CDK6: variants seen among roughly 807,000 people sequenced by gnomAD.
The protein encoded by CDK6 is cyclin dependent kinase 6, also known as cyclin-dependent kinase 6.
Under a neutral mutation model 37.1 loss-of-function variants are expected in CDK6, and 6 were observed. That is an observed-to-expected ratio of 0.16 (90% CI 0.09 to 0.32). The LOEUF is 0.32. CDK6 is among the 10% of genes least tolerant of loss of function. The pLI is 1.00. For missense variants in CDK6, 224 were observed against 418.9 expected (o/e 0.53, Z 4.06); for synonymous variants, 160 against 161.3 (o/e 0.99, Z 0.06).
intron 2 of CDK6, among the ~76,000 whole-genome samples, chr7:92,781,836 C>G (rs1800000604): frequency 6.6e-6 from 1 of 152,174 alleles, no homozygotes; most frequent in African/African-American, 2.4e-5. Context: ...CTAATCTCCT[C>G]CTCTTAAGTG....
chr7:92,707,880 A>G (rs1448025003), intron 4 of CDK6, among the ~76,000 whole-genome samples: 2 of 152,222 alleles, frequency 1.3e-5, no homozygotes, highest in Non-Finnish European at 2.9e-5. Context: ...CAAGTGTATG[A>G]TATTATGGGC....
intron 2 of CDK6, among the ~76,000 whole-genome samples, chr7:92,787,522 T>C (rs1800175662): frequency 1.3e-5 from 2 of 152,122 alleles, no homozygotes; most frequent in East Asian, 3.9e-4. Context: ...CCACTTAGAA[T>C]ATAAATTTTT....
In CDK6 at chr7:92,615,084, C is replaced by G. The variant is rs895731319; in HGVS notation, c.*56G>C. On this transcript the variant is annotated 3_prime_UTR_variant, in exon 8 of 8. Coordinates refer to ENST00000424848, the MANE Select transcript of CDK6 (RefSeq NM_001145306.2). Reference sequence around the variant, plus strand: ...CTCTGTAGGGCTTGCTGAGGGGGACCCATAAGCCACCAAGGGTGTTCTCCG... The same window carrying G: ...CTCTGTAGGGCTTGCTGAGGGGGACGCATAAGCCACCAAGGGTGTTCTCCG... 1 of 1,594,722 alleles carries G rather than the reference C, an allele frequency of 6.3e-7. No homozygotes were observed. Among genetic ancestry groups the G allele is most frequent in the African/African-American group, 1.3e-5 (1 of 74,478 alleles).
rs951828719 is a variant in CDK6 at position 92,613,057 on chromosome 7, G to A, written c.*2083C>T. On this transcript the variant is annotated 3_prime_UTR_variant, in exon 8 of 8. Transcript: ENST00000424848. Reference sequence around the variant, plus strand: ...AACACCTAATCAATGTTGTCACAACGAAAGTAGAAAACATTTGTATGGCCC... The same window carrying A: ...AACACCTAATCAATGTTGTCACAACAAAAGTAGAAAACATTTGTATGGCCC... 10 of 232,928 alleles carry A rather than the reference G, an allele frequency of 4.3e-5. No homozygotes were observed. Among genetic ancestry groups the A allele is most frequent in the Admixed American group, 5.6e-5 (1 of 17,776 alleles). 14.4% of individuals were successfully genotyped at this position (232,928 alleles called of 1,614,324 possible). A position where few individuals can be genotyped will look rare whatever the true frequency, so the allele number is the denominator to read the frequency against.
chr7:92,682,554 C>T lies in CDK6; in HGVS notation c.538-11019G>A, dbSNP rs114367547. Among the ~76,000 whole-genome samples the T allele has an allele frequency of 5.3e-3, 810 of 152,262 alleles. 6 individuals carry two copies. Among genetic ancestry groups the T allele is most frequent in the African/African-American group, 0.019 (774 of 41,542 alleles). On this transcript the variant is annotated intron_variant, in intron 4 of 7. Coordinates refer to ENST00000424848, the MANE Select transcript of CDK6 (RefSeq NM_001145306.2). ...ACGGTCTACTAGGCCCAAAGCCAGC[C>T]CTTTGAGGGTAGAGAGTATTTCTAA...
intron 4 of CDK6, among the ~76,000 whole-genome samples, chr7:92,683,680 AT>A (rs1797385380): frequency 1.3e-5 from 2 of 151,528 alleles, no homozygotes; most frequent in Admixed American, 1.3e-4. Flanking sequence ...GCTACCAGAA[AT>A]GAATTTATAG....
At chr7:92,675,486 A>G (rs980220552) in intron 4 of CDK6, among the ~76,000 whole-genome samples, 3 of 152,190 alleles carry the variant, frequency 2.0e-5, no homozygotes, top group African/African-American at 7.2e-5. Flanking sequence ...ATTGTGTATT[A>G]TTCTTTTAAG....
chr7:92,814,836 G>A (rs1283420906), intron 2 of CDK6, among the ~76,000 whole-genome samples: 1 of 151,890 alleles, frequency 6.6e-6, no homozygotes, highest in Non-Finnish European at 1.5e-5. Context: ...ATAATCAGGA[G>A]ATGTATTAAG....
At chr7:92,829,485 C>T (rs1801422372) in intron 2 of CDK6, among the ~76,000 whole-genome samples, 1 of 152,166 alleles carries the variant, frequency 6.6e-6, no homozygotes, top group Non-Finnish European at 1.5e-5. Flanking sequence ...TGGTGATCAT[C>T]TTATTCCTTC....
intron 7 of CDK6, among the ~76,000 whole-genome samples, chr7:92,616,695 A>G (rs1795688956): frequency 6.6e-6 from 1 of 152,214 alleles, no homozygotes; most frequent in African/African-American, 2.4e-5. Flanking sequence ...ATAGGAAAGA[A>G]GAGAAAAGAG....
At chr7:92,805,017 G>T (rs1001323483) in intron 2 of CDK6, among the ~76,000 whole-genome samples, 1 of 152,144 alleles carries the variant, frequency 6.6e-6, no homozygotes, top group African/African-American at 2.4e-5. Context: ...AGAAAAATTA[G>T]ATAACCTATT....
Position 92,606,513 on chromosome 7 carries a change from T to G in CDK6, c.*8627A>C, listed in dbSNP as rs1458043588. 4.3e-6 allele frequency: 1 copy of G among 233,206 alleles called. No homozygotes were observed. Among genetic ancestry groups the G allele is most frequent in the Admixed American group, 5.6e-5 (1 of 17,784 alleles). 14.4% of individuals were successfully genotyped at this position (233,206 alleles called of 1,614,324 possible). ...TACAGGGGACAGAGATGTAGAGGTG[T>G]GGGGATGTTGGTCATCTTGGGCTGG... On this transcript the variant is annotated 3_prime_UTR_variant, in exon 8 of 8. Coordinates refer to ENST00000424848, the MANE Select transcript of CDK6 (RefSeq NM_001145306.2).
chr7:92,794,837 A>C (rs781149504), intron 2 of CDK6, among the ~76,000 whole-genome samples: 1 of 152,114 alleles, frequency 6.6e-6, no homozygotes, highest in Non-Finnish European at 1.5e-5. Context: ...CTGATAAATT[A>C]AGTGGGGGAT....
chr7:92,619,735 T>G (rs1428237519), intron 6 of CDK6, among the ~76,000 whole-genome samples: 1 of 151,928 alleles, frequency 6.6e-6, no homozygotes, highest in Non-Finnish European at 1.5e-5. Context: ...GGGAAGACAC[T>G]GTAATTCGGC....
At chr7:92,749,527 A>T (rs1307441651) in intron 3 of CDK6, among the ~76,000 whole-genome samples, 1 of 152,198 alleles carries the variant, frequency 6.6e-6, no homozygotes, top group Non-Finnish European at 1.5e-5. Flanking sequence ...GAAAAAACAG[A>T]TGCCAATGTC....
Position 92,833,482 on chromosome 7 carries a change from C to T in CDK6, c.-159G>A. On this transcript the variant is annotated 5_prime_UTR_variant, in exon 2 of 8. Coordinates refer to ENST00000424848, the MANE Select transcript of CDK6 (RefSeq NM_001145306.2). This position sits in a 1 kb window ranked among gnomAD's most constrained non-coding sequence, Gnocchi z 6.1. ...GGCGCTCGGGCGCTGGGGCTTTCGC[C>T]GCTGCAGAAGCTGGATGGAGAGACC... 1.7e-6 allele frequency: 1 copy of T among 578,026 alleles called. No individual in the cohort carries two copies. The highest frequency in any genetic ancestry group is 3.1e-5 in the East Asian group (1 of 32,014). The allele number at this position is 578,026 out of a possible 1,614,324, so 35.8% of individuals were successfully genotyped here.
chr7:92,624,823 A>G (rs1795888397), intron 5 of CDK6, among the ~76,000 whole-genome samples: 1 of 152,156 alleles, frequency 6.6e-6, no homozygotes, highest in Admixed American at 6.6e-5. Context: ...ATCTCATTTG[A>G]TTCTCACAAA....
At chr7:92,740,308 C>T (rs1410581167) in intron 3 of CDK6, among the ~76,000 whole-genome samples, 2 of 152,142 alleles carry the variant, frequency 1.3e-5, no homozygotes, top group African/African-American at 4.8e-5. Context: ...GTCCTATCCC[C>T]CGATATACAC....
chr7:92,702,004 G>C (rs1797859850), intron 4 of CDK6, among the ~76,000 whole-genome samples: 1 of 152,200 alleles, frequency 6.6e-6, no homozygotes, highest in African/African-American at 2.4e-5. Context: ...TAACATGGTT[G>C]ATCAAAGATT....
Sources: allele counts gnomAD v4.1 joint callset (sites outside exome capture counted in the v4.1 genomes callset), GRCh38; gene constraint gnomAD v4.1.1; non-coding constraint Gnocchi (gnomAD v3.1); transcripts MANE v1.5; gene names NCBI Gene and HGNC (gene_info 2026-07-23, HGNC 2026-07-21).